Variants in ABCC5 observed in about 807,000 individuals in gnomAD.
ABCC5 encodes the protein ATP binding cassette subfamily C member 5.
Under a neutral mutation model 160.9 loss-of-function variants are expected in ABCC5, and 61 were observed. The observed-to-expected ratio is 0.38, with a 90% CI of 0.31 to 0.47. ABCC5 has a LOEUF of 0.47. Ranked by LOEUF, ABCC5 falls within the 20% of genes least tolerant of loss-of-function variation. ABCC5 has a pLI of 0.99. For missense variants in ABCC5, 1,308 were observed against 1,813.3 expected (o/e 0.72, Z 5.06); for synonymous variants, 666 against 700.6 (o/e 0.95, Z 0.78).
At chr3:183,934,259 C>T (rs1221872868) in intron 26 of ABCC5, among the ~76,000 whole-genome samples, 1 of 152,136 alleles carries the variant, frequency 6.6e-6, no homozygotes, top group Non-Finnish European at 1.5e-5. Flanking sequence ...TGAGCTGAAA[C>T]TCCAGCCTGG....
chr3:184,006,428 C>T (rs11926189), intron 2 of ABCC5: 7,975 of 152,256 alleles, frequency 0.052, 709 homozygotes, highest in African/African-American at 0.18. Flanking sequence ...CTCCTTCCTC[C>T]TGCTCTCCTT....
At chr3:184,003,746 T>C (rs1437320786) in intron 2 of ABCC5, among the ~76,000 whole-genome samples, 1 of 152,212 alleles carries the variant, frequency 6.6e-6, no homozygotes, top group African/African-American at 2.4e-5. Flanking sequence ...TACTCCATAA[T>C]CACCAGGAAT....
Position 183,971,620 on chromosome 3 carries a change from G to A in ABCC5, c.1704C>T (p.His568=), listed in dbSNP as rs1376756348. The change falls in exon 11 of 30, where the codon CAC becomes CAT. Residue 568 remains histidine, a synonymous_variant. Coordinates refer to ENST00000334444, the MANE Select transcript of ABCC5 (RefSeq NM_005688.4). ...SPEEEEGKHI[H]LGHLRLQRTL... ...TCCTCTGTAAGCGCAGGTGGCCCAGGTGGATGTGCTTGCCTTCTTCCTCTT... is the reference window on the plus strand; with the variant it reads ...TCCTCTGTAAGCGCAGGTGGCCCAGATGGATGTGCTTGCCTTCTTCCTCTT... 4 of 1,614,166 alleles carry A rather than the reference G, an allele frequency of 2.5e-6. No individual in the cohort carries two copies. The East Asian group carries it at 8.9e-5, about 36-fold the overall frequency.
rs1178283105 is a variant in ABCC5, at chr3:183,967,733, T to C, written c.1795A>G (p.Ser599Gly). 1 of 1,613,932 alleles carries C rather than the reference T, an allele frequency of 6.2e-7. No homozygotes were observed. The highest frequency in any genetic ancestry group is 8.5e-7 in the Non-Finnish European group (1 of 1,179,850). ...GCTGAAATGAGAGAGGTTTTTCCAC[T>C]TCCCACACTGCCACAGATTCCAACC... ...KLVGICGSVG[S>G]GKTSLISAIL... Residue 599 changes from serine to glycine, a missense_variant, in exon 12 of 30, where the codon AGT becomes GGT. Ser to Gly is a moderately conservative substitution (Grantham distance 56). Around this residue, in one of 3 missense-constraint regions of ABCC5, gnomAD observed 1,142 missense variants for 1,527.1 expected, o/e 0.75. Coordinates refer to ENST00000334444, the MANE Select transcript of ABCC5 (RefSeq NM_005688.4).
intron 18 of ABCC5, among the ~76,000 whole-genome samples, chr3:183,952,556 C>T (rs1212874254): frequency 6.6e-6 from 1 of 152,010 alleles, no homozygotes; most frequent in Non-Finnish European, 1.5e-5. Flanking sequence ...GGGAGGTGAC[C>T]GGATTGTGGG....
In ABCC5 at chr3:183,987,785, A is replaced by C. The variant is rs1719357230; in HGVS notation, c.576T>G (p.Ala192=). 6.2e-7 allele frequency: 1 copy of C among 1,614,196 alleles called. No homozygotes were observed. The highest frequency in any genetic ancestry group is 8.5e-7 in the Non-Finnish European group (1 of 1,180,026). ...TAGAACTTACTGGTCCACTGAAGCCAGCCAGCTGCGTGATCATCAGGCACA... is the reference window on the plus strand; with the variant it reads ...TAGAACTTACTGGTCCACTGAAGCCCGCCAGCTGCGTGATCATCAGGCACA... ...SIVCLMITQL[A]GFSGPAFMVK... is the part of the protein sequence containing the mutation. Residue 192 remains alanine, a synonymous_variant, in exon 5 of 30, where the codon GCT becomes GCG. Coordinates refer to ENST00000334444, the MANE Select transcript of ABCC5 (RefSeq NM_005688.4). This position sits in a 1 kb window ranked among gnomAD's most constrained non-coding sequence, Gnocchi z 4.2.
chr3:183,936,040 AC>A (rs1318417466), intron 26 of ABCC5, among the ~76,000 whole-genome samples: 2 of 152,050 alleles, frequency 1.3e-5, no homozygotes, highest in East Asian at 3.9e-4. Flanking sequence ...TGAAACACTG[AC>A]CCCAATGTGA....
chr3:183,942,909 G>C lies in ABCC5; in HGVS notation c.3512C>G (p.Ser1171Cys). The change falls in exon 25 of 30, where the codon TCC (serine) becomes TGC (cysteine). Residue 1171 changes from serine to cysteine, a missense_variant. Ser to Cys is a moderately radical substitution (Grantham distance 112). Coordinates refer to ENST00000334444, the MANE Select transcript of ABCC5 (RefSeq NM_005688.4). ...CTTAATTCTGGCAGGTGCTTCCAAG[G>C]ACAGAGTCTGGGGAGACAAGGGTGG... The part of the protein sequence containing the change: ...ERINHYIKTL[S>C]LEAPARIKNK... 1 of 1,612,572 alleles carries C rather than the reference G, an allele frequency of 6.2e-7. No individual in the cohort carries two copies. Among genetic ancestry groups the C allele is most frequent in the Non-Finnish European group, 8.5e-7 (1 of 1,179,036 alleles).
intron 2 of ABCC5, among the ~76,000 whole-genome samples, chr3:184,001,667 T>C (rs1158125260): frequency 6.6e-6 from 1 of 152,192 alleles, no homozygotes; most frequent in Non-Finnish European, 1.5e-5. Flanking sequence ...GCCCAAAATG[T>C]CAATCGTACT....
chr3:184,006,862 T>C (rs1274674488), intron 2 of ABCC5, among the ~76,000 whole-genome samples: 1 of 152,158 alleles, frequency 6.6e-6, no homozygotes, highest in East Asian at 1.9e-4. Flanking sequence ...CCCTGGATTT[T>C]ATGAATACTT....
intron 3 of ABCC5, 103 bp downstream of exon 3, chr3:183,989,123 A>G: frequency 1.6e-6 from 2 of 1,221,174 alleles, no homozygotes; most frequent in South Asian, 3.3e-5. Context: ...GTGAGCCGAG[A>G]TCATGCCACT....
Position 183,951,521 on chromosome 3 carries a change from A to T in ABCC5, c.2864T>A (p.Ile955Asn). Residue 955 changes from isoleucine to asparagine, a missense_variant, in exon 20 of 30, where the codon ATC becomes AAC. Physicochemically the swap from Ile to Asn is moderately radical, Grantham distance 149. Around this residue, in one of 3 missense-constraint regions of ABCC5, gnomAD observed 1,142 missense variants for 1,527.1 expected, o/e 0.75. Transcript: ENST00000334444. This position sits in a 1 kb window ranked among gnomAD's most constrained non-coding sequence, Gnocchi z 4.7. ...AAAAAACTTCATAGGGCTTCGAAGG[A>T]TCCTTCGGAAAAGCTCGTCATGCAG... ...SRLHDELFRR[I>N]LRSPMKFFDT... is the part of the protein sequence containing the mutation. 6.2e-7 allele frequency: 1 copy of T among 1,614,208 alleles called. No individual in the cohort carries two copies. Among genetic ancestry groups the T allele is most frequent in the Non-Finnish European group, 8.5e-7 (1 of 1,180,046 alleles).
chr3:183,923,837 C>T (rs1481563443), intron 29 of ABCC5, among the ~76,000 whole-genome samples: 2 of 152,004 alleles, frequency 1.3e-5, no homozygotes, highest in Admixed American at 1.3e-4. Context: ...ATCCTTAGCC[C>T]CCAAGTTCTC....
intron 5 of ABCC5, chr3:183,983,481 A>C (rs1560031874): frequency 1.1e-5 from 2 of 179,030 alleles, no homozygotes; most frequent in Non-Finnish European, 2.4e-5. Flanking sequence ...AACATTCCTG[A>C]AAATAAACAT....
chr3:184,013,687 C>G (rs946053979), intron 2 of ABCC5, among the ~76,000 whole-genome samples: 4 of 152,124 alleles, frequency 2.6e-5, no homozygotes, highest in African/African-American at 9.7e-5. Flanking sequence ...AATAAGTTGT[C>G]TTCTGTTAAG....
At chr3:183,983,723 C>A in intron 5 of ABCC5, 1 of 985,610 alleles carries the variant, frequency 1.0e-6, no homozygotes, top group Non-Finnish European at 1.2e-6. Context: ...ACACAAGGCA[C>A]ATTCAGCAAC....
chr3:183,972,733 C>T (rs1717877677), intron 10 of ABCC5, among the ~76,000 whole-genome samples: 1 of 152,144 alleles, frequency 6.6e-6, no homozygotes, highest in Non-Finnish European at 1.5e-5. Flanking sequence ...CAACCTCCAC[C>T]TCCCAGGTTC....
intron 5 of ABCC5, chr3:183,983,635 A>G (rs2108856604): frequency 3.4e-6 from 2 of 592,520 alleles, no homozygotes; most frequent in Non-Finnish European, 4.2e-6. Flanking sequence ...CACCACCTGC[A>G]GAGGGAAGGC....
intron 22 of ABCC5, among the ~76,000 whole-genome samples, chr3:183,948,868 AT>A (rs939787045): frequency 6.6e-6 from 1 of 151,824 alleles, no homozygotes; most frequent in Admixed American, 6.6e-5. Flanking sequence ...CGCCTGGTTA[AT>A]TTTTTTGTAA....
Sources: gnomAD v4.1 joint callset for allele counts (sites outside exome capture counted in the v4.1 genomes callset) on GRCh38, gnomAD v4.1.1 for gene constraint, gnomAD v4.1.1 regional missense constraint, Gnocchi (gnomAD v3.1) non-coding constraint, MANE v1.5 for transcripts, NCBI Gene and HGNC (gene_info 2026-07-23, HGNC 2026-07-21) for gene names.